The following PPOX variants were observed in gnomAD, a reference collection of about 807,000 sequenced individuals.
The protein encoded by PPOX is variegate porphyria.
Under a neutral mutation model 54.1 loss-of-function variants are expected in PPOX, and 23 were observed. The observed-to-expected ratio is 0.43, with a 90% confidence interval of 0.31 to 0.60. PPOX has a LOEUF of 0.60. Among genes scored for constraint, PPOX ranks in the 20% least tolerant of loss-of-function variants. The probability of loss-of-function intolerance (pLI) is 0.13; values close to 1 mark genes in which losing one functional copy is unlikely to be tolerated. For missense variants in PPOX, 512 were observed against 601.1 expected (o/e 0.85, Z 1.55); for synonymous variants, 224 against 236.1 (o/e 0.95, Z 0.47).
In PPOX at chr1:161,171,096, G is replaced by A. The variant is rs759754403; in HGVS notation, c.1354G>A (p.Glu452Lys). 12 of 1,614,000 alleles carry A rather than the reference G, an allele frequency of 7.4e-6. No homozygotes were observed. The highest frequency in any genetic ancestry group is 2.7e-5 in the African/African-American group (2 of 74,928). The stretch of plus-strand genomic sequence containing the variant: ...CCTGACTCTGGCTGGAGCCTCCTAT[G>A]AGGGAGTTGCTGTTAATGACTGTAT... ...LPLTLAGASYEGVAVNDCIES... is the reference protein window; with the variant it reads ...LPLTLAGASYKGVAVNDCIES... The change falls in exon 13 of 13, where the codon GAG (glutamate) becomes AAG (lysine). Residue 452 changes from glutamate (E) to lysine (K), a missense_variant. Coordinates refer to ENST00000367999, the MANE Select transcript of PPOX (RefSeq NM_001122764.3).
At position 161,170,026 on chromosome 1, in the gene PPOX, T is replaced by TA. The variant is rs1202565228; in HGVS notation, c.987+3dup. The TA allele has an allele frequency of 6.2e-7, 1 of 1,612,824 alleles. No homozygotes were observed. Among genetic ancestry groups the TA allele is most frequent in the South Asian group, 1.1e-5 (1 of 90,914 alleles). On this transcript the variant is annotated splice_region_variant and intron_variant, in intron 9 of 12. Transcript: ENST00000367999. The stretch of plus-strand genomic sequence containing the variant: ...CAAGGAGCCCATCTGCCTGTCCAGG[T>TA]ATGATAAAGGGACGGAGAGGCTGGG...
chr1:161,170,737 A>G lies in PPOX; in HGVS notation c.1216A>G (p.Met406Val). Reference protein sequence around the residue: ...AAATQLGLKEMPSHCLVHLHK... With the variant: ...AAATQLGLKEVPSHCLVHLHK... The stretch of plus-strand genomic sequence containing the variant: ...TGCTACACAATTAGGACTGAAGGAG[A>G]TGCCGAGCCACTGCTTGGTCCATCT... Residue 406 changes from methionine to valine, a missense_variant, in exon 11 of 13, where the codon ATG becomes GTG. By Grantham distance (21) the Met-to-Val change is conservative. Coordinates refer to ENST00000367999, the MANE Select transcript of PPOX (RefSeq NM_001122764.3). 1 of 1,612,844 alleles carries G rather than the reference A, an allele frequency of 6.2e-7. No individual in the cohort carries two copies. Among genetic ancestry groups the G allele is most frequent in the Non-Finnish European group, 8.5e-7 (1 of 1,179,614 alleles).
downstream of PPOX, chr1:161,171,756 G>T (rs1185957027): frequency 6.3e-7 from 1 of 1,580,824 alleles, no homozygotes; most frequent in Non-Finnish European, 8.6e-7. Flanking sequence ...GGAGCTGAGG[G>T]TGGGGAGAAT....
Position 161,168,494 on chromosome 1 carries a change from C to T in PPOX, c.534C>T (p.Leu178=). Residue 178 remains leucine, a synonymous_variant, in exon 6 of 13, where the codon CTC becomes CTT. Transcript: ENST00000367999. ...RGVFAGNSRE[L]SIRSCFPSLF... ...TGTTTGCAGGCAACAGCCGTGAGCT[C>T]AGCATCAGGTCCTGCTTTCCCAGTC... The T allele has an allele frequency of 6.2e-7, 1 of 1,614,190 alleles. No individual in the cohort carries two copies. Among genetic ancestry groups the T allele is most frequent in the Non-Finnish European group, 8.5e-7 (1 of 1,180,034 alleles).
Position 161,166,557 on chromosome 1 carries a change from G to A in PPOX, c.-124G>A, listed in dbSNP as rs1289211438. 2.1e-5 allele frequency: 29 copies of A among 1,394,720 alleles called. No individual in the cohort carries two copies. Among genetic ancestry groups the A allele is most frequent in the Non-Finnish European group, 2.5e-5 (27 of 1,073,890 alleles). The allele number at this position is 1,394,720 out of a possible 1,614,324, so 86.4% of individuals were successfully genotyped here. On this transcript the variant is annotated 5_prime_UTR_variant, in exon 1 of 13. Coordinates refer to ENST00000367999, the MANE Select transcript of PPOX (RefSeq NM_001122764.3). ...GTACTGCCCGCCGCCCGAGCCCTGCGAGGGCCGATAGCGAGGGTGTGGCCC... is the reference window on the plus strand; with the variant it reads ...GTACTGCCCGCCGCCCGAGCCCTGCAAGGGCCGATAGCGAGGGTGTGGCCC...
At chr1:161,177,038 G>A (rs1351046819) in exon 5 of PPOX, 1 of 1,536,030 alleles carries the variant, frequency 6.5e-7, no homozygotes, top group Non-Finnish European at 8.7e-7. Context: ...GGAGAGTAGG[G>A]TGGGGGTGGC....
chr1:161,173,419 G>A (rs1662242321), downstream of PPOX, among the ~76,000 whole-genome samples: 1 of 152,178 alleles, frequency 6.6e-6, no homozygotes, highest in South Asian at 2.1e-4. Context: ...GAGACTGAAG[G>A]ATGACACAAT....
At position 161,169,968 on chromosome 1, in the gene PPOX, G is replaced by T. The variant is rs1558034103; in HGVS notation, c.931G>T (p.Ala311Ser). The T allele has an allele frequency of 6.2e-7, 1 of 1,614,020 alleles. No homozygotes were observed. Among genetic ancestry groups the T allele is most frequent in the Non-Finnish European group, 8.5e-7 (1 of 1,180,024 alleles). ...PLARALSAIT[A>S]VSVAVVNLQY... ...GGCTCGTGCCCTGAGTGCCATCACT[G>T]CAGTGTCTGTAGCTGTGGTGAATCT... The change falls in exon 9 of 13, where the codon GCA becomes TCA. Residue 311 changes from alanine (A) to serine (S), a missense_variant. Physicochemically the swap from Ala to Ser is moderately conservative, Grantham distance 99 (BLOSUM62 1). Coordinates refer to ENST00000367999, the MANE Select transcript of PPOX (RefSeq NM_001122764.3).
At chr1:161,168,352 A>T in intron 5 of PPOX, 80 bp from the exon 6 acceptor site, 6 of 1,603,260 alleles carry the variant, frequency 3.7e-6, no homozygotes, top group Non-Finnish European at 4.3e-6. Context: ...TCCCACCCTC[A>T]TTCCCTACCA....
chr1:161,167,500 C>A lies in PPOX; in HGVS notation c.338+14C>A. The A allele has an allele frequency of 6.2e-7, 1 of 1,610,970 alleles. No individual in the cohort carries two copies. Among genetic ancestry groups the A allele is most frequent in the East Asian group, 2.2e-5 (1 of 44,856 alleles). ...CACTGGCCTCAGGTAACACCAGCAC[C>A]TCCGCTCCTTTTACTGTGCCCTCAT... On this transcript the variant is annotated intron_variant, in intron 4 of 12. Transcript: ENST00000367999.
At chr1:161,168,847 A>T in intron 6 of PPOX, 146 bp from the exon 7 acceptor site, 1 of 967,780 alleles carries the variant, frequency 1.0e-6, no homozygotes, top group Non-Finnish European at 1.6e-6. Context: ...ATTTTTTTGT[A>T]GAGATGCAGT....
chr1:161,177,952 C>A (rs886097078), downstream of PPOX: 4 of 152,204 alleles, frequency 2.6e-5, no homozygotes, highest in African/African-American at 9.7e-5. Context: ...TTTGTATTCC[C>A]GTTGTATCCC....
downstream of PPOX, chr1:161,177,914 A>G (rs1664141236): frequency 6.6e-6 from 1 of 152,214 alleles, no homozygotes; most frequent in Non-Finnish European, 1.5e-5. Flanking sequence ...TACGCAGGCT[A>G]CAGCGTTGCG....
rs1225937420 is a variant in PPOX, at chr1:161,168,487, G to A, written c.527G>A (p.Arg176His). The A allele has an allele frequency of 3.1e-6, 5 of 1,614,134 alleles. No individual in the cohort carries two copies. Among genetic ancestry groups the A allele is most frequent in the South Asian group, 2.2e-5 (2 of 91,084 alleles). Residue 176 changes from arginine to histidine, a missense_variant, in exon 6 of 13, where the codon CGT (arginine) becomes CAT (histidine). Transcript: ENST00000367999. Reference sequence around the variant, plus strand: ...CGTGGAGTGTTTGCAGGCAACAGCCGTGAGCTCAGCATCAGGTCCTGCTTT... The same window carrying A: ...CGTGGAGTGTTTGCAGGCAACAGCCATGAGCTCAGCATCAGGTCCTGCTTT... ...LCRGVFAGNS[R>H]ELSIRSCFPS... is the part of the protein sequence containing the mutation.
downstream of PPOX, chr1:161,176,049 C>T: frequency 6.2e-7 from 1 of 1,614,020 alleles, no homozygotes; most frequent in Non-Finnish European, 8.5e-7. Context: ...GCTCCAGCAG[C>T]CTCCGCAACA....
intron 2 of PPOX, 79 bp from the exon 3 acceptor site, chr1:161,167,021 T>G: frequency 6.2e-7 from 1 of 1,612,670 alleles, no homozygotes; most frequent in East Asian, 2.2e-5. Context: ...GCCCTCTGAA[T>G]ATGCCTCTTC....
downstream of PPOX, chr1:161,173,682 AG>A: frequency 1.2e-6 from 2 of 1,614,198 alleles, no homozygotes; most frequent in Non-Finnish European, 1.7e-6. Context: ...GGTACTGGTC[AG>A]GAGTAAGTGC....
upstream of PPOX, chr1:161,165,981 G>C (rs544263023): frequency 1.5e-4 from 82 of 545,088 alleles, no homozygotes; most frequent in South Asian, 5.6e-4. Flanking sequence ...CGATGGGGGA[G>C]TGCCACTGTT....
At chr1:161,175,087 C>T (rs1326158512), downstream of PPOX, 15 of 1,613,926 alleles carry the variant, frequency 9.3e-6, no homozygotes, top group East Asian at 4.5e-5. Flanking sequence ...CTCCCGGGCA[C>T]GATGAGGCAC....
Sources: gnomAD v4.1 joint callset for allele counts (sites outside exome capture counted in the v4.1 genomes callset) on GRCh38, gnomAD v4.1.1 for gene constraint, MANE v1.5 for transcripts, NCBI Gene and HGNC (gene_info 2026-07-23, HGNC 2026-07-21) for gene names.